CTNNA2: variants seen among roughly 807,000 people sequenced by gnomAD.
The protein encoded by CTNNA2 is catenin alpha 2.
CTNNA2 carries 42 observed loss-of-function variants against 101.0 expected under a neutral mutation model. The observed-to-expected ratio is 0.42, with a 90% CI of 0.32 to 0.54. The LOEUF is 0.54. CTNNA2 is among the 20% of genes least tolerant of loss of function. CTNNA2 has a pLI of 0.14. For synonymous variants in CTNNA2, 450 were observed against 456.4 expected, an observed-to-expected ratio of 0.99 and a Z score of 0.18; for missense variants, 871 against 1,223.1, an observed-to-expected ratio of 0.71 and a Z score of 4.29.
intron 8 of CTNNA2, among the ~76,000 whole-genome samples, chr2:80,415,687 A>C (rs1047198527): frequency 2.6e-5 from 4 of 152,126 alleles, no homozygotes; most frequent in African/African-American, 9.7e-5. Context: ...TCTGGGTAGA[A>C]TCTGATGGAA....
intron 2 of CTNNA2, among the ~76,000 whole-genome samples, chr2:79,671,739 A>G (rs1682853818): frequency 6.6e-6 from 1 of 152,240 alleles, no homozygotes; most frequent in Admixed American, 6.5e-5. Context: ...GTATAAATTT[A>G]GGATAAATGA....
At chr2:79,471,738 T>A (rs1671001472) in intron 4 of CTNNA2, among the ~76,000 whole-genome samples, 4 of 152,054 alleles carry the variant, frequency 2.6e-5, no homozygotes, top group Middle Eastern at 6.8e-3. Context: ...TTCGGGAGGC[T>A]GAGGCAGAAG....
At chr2:80,311,539 G>A (rs146525460) in intron 7 of CTNNA2, among the ~76,000 whole-genome samples, 13 of 152,296 alleles carry the variant, frequency 8.5e-5, no homozygotes, top group African/African-American at 3.1e-4. Flanking sequence ...CTGGCTTGGG[G>A]CCTTCAAGAT....
intron 12 of CTNNA2, among the ~76,000 whole-genome samples, chr2:80,561,472 A>G (rs1693588213): frequency 6.6e-6 from 1 of 152,198 alleles, no homozygotes; most frequent in Non-Finnish European, 1.5e-5. Flanking sequence ...GGCTCAGAAA[A>G]CAAACGTTAC....
chr2:79,214,343 G>C lies in CTNNA2; in HGVS notation c.-406+16267G>C, dbSNP rs148674609. 6.3e-3 allele frequency among the ~76,000 whole-genome samples: 965 copies of C among 152,202 alleles called. 5 individuals are homozygous for C. The highest frequency in any genetic ancestry group is 0.022 in the African/African-American group (919 of 41,524). On this transcript the variant is annotated intron_variant, in intron 2 of 21. Transcript: ENST00000466387. Reference sequence around the variant, plus strand: ...GAAAGCATGTTTGAGATCTAGAACAGAATAATGGATTGTGGAGGGAGGTAT... The same window carrying C: ...GAAAGCATGTTTGAGATCTAGAACACAATAATGGATTGTGGAGGGAGGTAT...
At chr2:79,548,394 C>A (rs368527438) in intron 1 of CTNNA2, among the ~76,000 whole-genome samples, 10 of 152,128 alleles carry the variant, frequency 6.6e-5, no homozygotes, top group African/African-American at 2.4e-4. Flanking sequence ...TTTTTAATGA[C>A]AAATATGAGA....
chr2:80,477,104 A>G (rs976082910), intron 9 of CTNNA2, among the ~76,000 whole-genome samples: 1 of 152,314 alleles, frequency 6.6e-6, no homozygotes, highest in Admixed American at 6.5e-5. Flanking sequence ...CTCAGTATGG[A>G]GATTTCAGAA....
At chr2:79,671,224 A>C (rs7421452) in intron 2 of CTNNA2, among the ~76,000 whole-genome samples, 30,086 of 152,060 alleles carry the variant, frequency 0.2, 3,190 homozygotes, top group East Asian at 0.45. Context: ...TTACAAGGAG[A>C]AAGAAATGCT....
At chr2:80,266,443 G>A (rs1673008186) in intron 7 of CTNNA2, among the ~76,000 whole-genome samples, 1 of 152,196 alleles carries the variant, frequency 6.6e-6, no homozygotes, top group Admixed American at 6.5e-5. Flanking sequence ...GCCAGCATCA[G>A]CTGTGCCCCT....
intron 2 of CTNNA2, among the ~76,000 whole-genome samples, chr2:79,677,588 A>G (rs2104619742): frequency 6.6e-6 from 1 of 152,326 alleles, no homozygotes; most frequent in South Asian, 2.1e-4. Flanking sequence ...CACTTATTTT[A>G]AGCATCTGTG....
At chr2:80,327,197 G>A (rs963282629) in intron 7 of CTNNA2, among the ~76,000 whole-genome samples, 8 of 152,212 alleles carry the variant, frequency 5.3e-5, no homozygotes, top group South Asian at 2.1e-4. Context: ...TAAAGGAAAA[G>A]TTAATGATCA....
chr2:79,505,073 A>C, exon 5 of CTNNA2: 1 of 152,030 alleles, frequency 6.6e-6, no homozygotes. Context: ...ATTTAGATGC[A>C]CTCCTTCAAG....
chr2:80,226,934 C>G (rs1343994857), intron 7 of CTNNA2, among the ~76,000 whole-genome samples: 1 of 152,118 alleles, frequency 6.6e-6, no homozygotes, highest in Non-Finnish European at 1.5e-5. Context: ...TCCCTAAAAT[C>G]AACTCTAGGT....
At chr2:79,307,226 C>G (rs1160031169) in intron 2 of CTNNA2, among the ~76,000 whole-genome samples, 1 of 152,122 alleles carries the variant, frequency 6.6e-6, no homozygotes, top group Non-Finnish European at 1.5e-5. Flanking sequence ...ATGTCGATCA[C>G]TTCTTTGTGC....
chr2:80,096,511 C>A (rs1700163244), intron 7 of CTNNA2, among the ~76,000 whole-genome samples: 1 of 152,072 alleles, frequency 6.6e-6, no homozygotes, highest in Non-Finnish European at 1.5e-5. Context: ...CTGTAGATGT[C>A]TGTATTAGGT....
At chr2:80,617,625 A>G (rs537277036) in intron 17 of CTNNA2, among the ~76,000 whole-genome samples, 65 of 151,570 alleles carry the variant, frequency 4.3e-4, no homozygotes, top group Non-Finnish European at 8.0e-4. Context: ...TGTCTCTAAC[A>G]TTTATTTTGA....
chr2:79,240,989 A>G (rs1001926141), intron 2 of CTNNA2, among the ~76,000 whole-genome samples: 9 of 151,884 alleles, frequency 5.9e-5, no homozygotes, highest in Non-Finnish European at 1.2e-4. Flanking sequence ...CTATTCTTTA[A>G]TTTTCTGGGC....
intron 9 of CTNNA2, among the ~76,000 whole-genome samples, chr2:80,435,772 A>G (rs1415649010): frequency 1.3e-5 from 2 of 152,220 alleles, no homozygotes; most frequent in Admixed American, 1.3e-4. Flanking sequence ...CTGAGGGTTA[A>G]ATTCTTGTTG....
intron 2 of CTNNA2, among the ~76,000 whole-genome samples, chr2:79,733,323 CTA>C (rs945667759): frequency 6.6e-6 from 1 of 152,044 alleles, no homozygotes; most frequent in Non-Finnish European, 1.5e-5. Context: ...TCTGATGAGA[CTA>C]TATGTTTTTT....
Sources: allele counts gnomAD v4.1 joint callset (sites outside exome capture counted in the v4.1 genomes callset), GRCh38; gene constraint gnomAD v4.1.1; transcripts MANE v1.5; gene names NCBI Gene and HGNC (gene_info 2026-07-23, HGNC 2026-07-21).